Variants in WWOX observed in about 807,000 individuals in gnomAD.
The protein encoded by WWOX is WW domain containing oxidoreductase.
A neutral mutation model predicts 46.2 loss-of-function variants in WWOX; 69 were observed. The ratio of observed to expected loss-of-function variants is 1.49; its 90% confidence interval spans 1.23 to 1.82. The LOEUF is 1.82. WWOX is among the 40% of genes most tolerant of loss of function. The pLI, the probability that WWOX is intolerant of heterozygous loss-of-function variation, is 0.00. For synonymous variants in WWOX, 359 were observed against 202.6 expected (o/e 1.77, Z -6.56); for missense variants, 919 against 542.6 (o/e 1.69, Z -6.89).
chr16:78,527,096 G>A (rs1279006133), intron 8 of WWOX, among the ~76,000 whole-genome samples: 2 of 152,102 alleles, frequency 1.3e-5, no homozygotes, highest in African/African-American at 4.8e-5. Flanking sequence ...CCCAGGAGGT[G>A]AGGTTGTGGT....
At chr16:78,860,402 A>G (rs376185944) in intron 8 of WWOX, among the ~76,000 whole-genome samples, 16 of 152,314 alleles carry the variant, frequency 1.1e-4, no homozygotes, top group East Asian at 5.8e-4. Flanking sequence ...GATGCCTCAC[A>G]TAAGACCTAG....
intron 8 of WWOX, chr16:78,897,246 A>AAAAAAAAAAAAAAAAAAAAAAAAC (rs2044722709): frequency 7.0e-6 from 1 of 142,798 alleles, no homozygotes; most frequent in African/African-American, 2.8e-5. Context: ...TCTTTAAAAA[A>AAAAAAAAAAAAAAAAAAAAAAAAC]AAAAAAAAAA....
At chr16:78,668,398 G>A (rs964940983) in intron 8 of WWOX, among the ~76,000 whole-genome samples, 2 of 152,234 alleles carry the variant, frequency 1.3e-5, no homozygotes, top group Admixed American at 6.5e-5. Flanking sequence ...AGGACCACAA[G>A]ATAAATGTCG....
intron 8 of WWOX, among the ~76,000 whole-genome samples, chr16:78,626,158 T>G (rs1478688148): frequency 6.6e-6 from 1 of 151,484 alleles, no homozygotes. Flanking sequence ...TGAGATGGAG[T>G]CTGGCTCTTT....
At chr16:79,197,973 A>T (rs1262309302) in intron 8 of WWOX, among the ~76,000 whole-genome samples, 2 of 152,188 alleles carry the variant, frequency 1.3e-5, no homozygotes, top group African/African-American at 4.8e-5. Context: ...ATCTTCCCTT[A>T]TGTGTACAAC....
chr16:78,888,851 A>G (rs376166389), intron 8 of WWOX, among the ~76,000 whole-genome samples: 1 of 152,068 alleles, frequency 6.6e-6, no homozygotes, highest in African/African-American at 2.4e-5. Context: ...CTATGTCTCA[A>G]GACTGCCCAG....
At chr16:78,645,424 C>G (rs960614338) in intron 8 of WWOX, among the ~76,000 whole-genome samples, 2 of 152,038 alleles carry the variant, frequency 1.3e-5, no homozygotes, top group African/African-American at 4.8e-5. Flanking sequence ...TTTTGTGTTG[C>G]TATAAAGGAA....
intron 8 of WWOX, among the ~76,000 whole-genome samples, chr16:79,078,921 C>G (rs928757676): frequency 2.0e-5 from 3 of 152,140 alleles, no homozygotes; most frequent in Non-Finnish European, 2.9e-5. Context: ...CCCTGTTAGG[C>G]CTCTCCCAAC....
At chr16:79,194,775 A>C (rs1454016874) in intron 8 of WWOX, among the ~76,000 whole-genome samples, 1 of 151,994 alleles carries the variant, frequency 6.6e-6, no homozygotes, top group East Asian at 1.9e-4. Flanking sequence ...GAGTTAAATA[A>C]TTTTTCCCCG....
At chr16:79,052,050 T>A (rs576036031) in intron 8 of WWOX, among the ~76,000 whole-genome samples, 27 of 145,840 alleles carry the variant, frequency 1.9e-4, no homozygotes, top group South Asian at 4.3e-4. Flanking sequence ...TTTTTTTTTT[T>A]AATTATACTT....
intron 8 of WWOX, among the ~76,000 whole-genome samples, chr16:79,197,746 A>G (rs1352842569): frequency 1.3e-5 from 2 of 152,266 alleles, no homozygotes; most frequent in African/African-American, 4.8e-5. Flanking sequence ...ATTGTGGTGA[A>G]AACACAAACA....
chr16:78,135,772 A>C (rs1006680197), intron 4 of WWOX, among the ~76,000 whole-genome samples: 1 of 152,188 alleles, frequency 6.6e-6, no homozygotes, highest in African/African-American at 2.4e-5. Flanking sequence ...GGAAAATGAC[A>C]TGTCGATCTG....
chr16:78,888,319 G>C (rs995670929), intron 8 of WWOX, among the ~76,000 whole-genome samples: 1 of 152,176 alleles, frequency 6.6e-6, no homozygotes, highest in African/African-American at 2.4e-5. Flanking sequence ...AGCTTTCCTT[G>C]ATTTGTTGTT....
At chr16:78,100,703 A>T (rs1013491774) in intron 1 of WWOX, among the ~76,000 whole-genome samples, 1 of 152,204 alleles carries the variant, frequency 6.6e-6, no homozygotes, top group African/African-American at 2.4e-5. Context: ...AAATGGGTTG[A>T]TACGAGGGTC....
chr16:78,575,951 G>A (rs2044868821), intron 8 of WWOX, among the ~76,000 whole-genome samples: 1 of 151,128 alleles, frequency 6.6e-6, no homozygotes. Context: ...ATTTTACCCT[G>A]TGGAGTAAAA....
rs2050011245 is a variant in WWOX at position 79,137,769 on chromosome 16, G to A, written c.1057-73839G>A. On this transcript the variant is annotated intron_variant, in intron 8 of 8. Transcript: ENST00000566780. Reference sequence around the variant, plus strand: ...CCAGCCTGGCCTCTGTCCCCTCTGTGTTCCTCCCCTTCTTCCTTGTATCCT... The same window carrying A: ...CCAGCCTGGCCTCTGTCCCCTCTGTATTCCTCCCCTTCTTCCTTGTATCCT... Among the ~76,000 whole-genome samples, 3 of 151,818 alleles carry A rather than the reference G, an allele frequency of 2.0e-5. No homozygotes were observed. In the East Asian group the frequency reaches 5.8e-4, roughly 29 times the overall value.
At chr16:79,019,010 G>A (rs916925175) in intron 8 of WWOX, among the ~76,000 whole-genome samples, 4 of 151,390 alleles carry the variant, frequency 2.6e-5, no homozygotes, top group Admixed American at 6.6e-5. Context: ...AAATTTAGCC[G>A]GGCAGGCATG....
At chr16:78,620,690 T>G (rs545690577) in intron 8 of WWOX, among the ~76,000 whole-genome samples, 2 of 117,218 alleles carry the variant, frequency 1.7e-5, no homozygotes, top group Non-Finnish European at 4.2e-5. Flanking sequence ...TCAGGAAATA[T>G]GGTTTTTTTT....
chr16:78,514,968 C>G (rs1299298245), intron 8 of WWOX, among the ~76,000 whole-genome samples: 1 of 152,008 alleles, frequency 6.6e-6, no homozygotes. Context: ...GGCTATAATC[C>G]CAGCACTTGG....
Sources: gnomAD v4.1 joint callset for allele counts (sites outside exome capture counted in the v4.1 genomes callset) on GRCh38, gnomAD v4.1.1 for gene constraint, MANE v1.5 for transcripts, NCBI Gene and HGNC (gene_info 2026-07-23, HGNC 2026-07-21) for gene names.